Variants in RCSD1 observed in about 807,000 individuals in gnomAD.
The protein encoded by RCSD1 is RCSD domain containing 1, also known as capZ-interacting protein.
A neutral mutation model predicts 42.5 loss-of-function variants in RCSD1; 26 were observed. The observed-to-expected ratio is 0.61, with a 90% CI of 0.45 to 0.85. The LOEUF (loss-of-function observed/expected upper bound fraction) is 0.85. Ranked by LOEUF, RCSD1 falls within the 40% of genes least tolerant of loss-of-function variation. The pLI is 0.00. For missense variants in RCSD1, 571 were observed against 528.3 expected, an observed-to-expected ratio of 1.08 and a Z score of -0.79; for synonymous variants, 220 against 212.2, an observed-to-expected ratio of 1.04 and a Z score of -0.32.
At chr1:167,677,121 T>C (rs539357581) in intron 1 of RCSD1, among the ~76,000 whole-genome samples, 3 of 152,372 alleles carry the variant, frequency 2.0e-5, no homozygotes, top group East Asian at 3.9e-4. Flanking sequence ...TGTTAATATA[T>C]GCTTGTTTCA....
intron 1 of RCSD1, among the ~76,000 whole-genome samples, chr1:167,678,338 T>C (rs1658999336): frequency 6.6e-6 from 1 of 152,146 alleles, no homozygotes; most frequent in Admixed American, 6.5e-5. Context: ...AATAGACATG[T>C]CAGACTTTCA....
At position 167,653,818 on chromosome 1, in the gene RCSD1, T is replaced by C. The variant is rs76482130; in HGVS notation, c.6+23389T>C. Among the ~76,000 whole-genome samples the C allele has an allele frequency of 2.2e-3, 331 of 152,196 alleles. 8 individuals carry two copies. The East Asian group carries it at 0.048, about 22-fold the overall frequency. On this transcript the variant is annotated intron_variant, in intron 1 of 6. Coordinates refer to ENST00000367854, the MANE Select transcript of RCSD1 (RefSeq NM_052862.4). ...GATCTTGGATGATGAAGAAGAACTG[T>C]CCAGGTGAAGAGAATAAGGATCAAG...
chr1:167,630,480 G>A (rs770293071), intron 1 of RCSD1, 51 bp downstream of exon 1: 12 of 1,497,964 alleles, frequency 8.0e-6, no homozygotes, highest in Non-Finnish European at 1.1e-5. Flanking sequence ...CGGTGTATCG[G>A]GCGCCCCTTC....
intron 1 of RCSD1, among the ~76,000 whole-genome samples, chr1:167,639,410 A>G (rs753053056): frequency 3.9e-5 from 6 of 151,972 alleles, no homozygotes; most frequent in Non-Finnish European, 5.9e-5. Flanking sequence ...TCAGCTCTCT[A>G]GGTCTTCCCT....
At chr1:167,655,102 T>C (rs1251679178) in intron 1 of RCSD1, among the ~76,000 whole-genome samples, 1 of 152,152 alleles carries the variant, frequency 6.6e-6, no homozygotes, top group Non-Finnish European at 1.5e-5. Context: ...GGATGGAGGC[T>C]GCACCTCTCC....
At position 167,697,749 on chromosome 1, in the gene RCSD1, A is replaced by G; in HGVS notation, c.1125A>G (p.Ala375=). 1 of 1,550,640 alleles carries G rather than the reference A, an allele frequency of 6.4e-7. No individual in the cohort carries two copies. The highest frequency in any genetic ancestry group is 2.3e-5 in the East Asian group (1 of 43,512). ...EKGKEKQQEG[A]VLEPGCSPQT... ...GCAAGGAAAAACAACAGGAGGGGGC[A>G]GTGCTCGAGCCAGGCTGCAGCCCCC... Residue 375 remains alanine (A), a synonymous_variant, in exon 6 of 7, where the codon GCA becomes GCG. Transcript: ENST00000367854.
chr1:167,654,702 G>T (rs1185407263), intron 1 of RCSD1, among the ~76,000 whole-genome samples: 1 of 152,272 alleles, frequency 6.6e-6, no homozygotes, highest in East Asian at 1.9e-4. Context: ...ATGTGGGCAG[G>T]AGAGGGCAGA....
At position 167,708,109 on chromosome 1, in the gene RCSD1, C is replaced by G. The variant is rs1659800910; in HGVS notation, c.*3413C>G. Among the ~76,000 whole-genome samples, 1 of 152,168 alleles carries G rather than the reference C, an allele frequency of 6.6e-6. No individual in the cohort carries two copies. The highest frequency in any genetic ancestry group is 1.5e-5 in the Non-Finnish European group (1 of 68,034). The stretch of plus-strand genomic sequence containing the variant: ...GGCTTTCCATAGGCCCTGTGTGACT[C>G]ACGTGTCTATACCTGAATCAACTGT... On this transcript the variant is annotated 3_prime_UTR_variant, in exon 7 of 7. Transcript: ENST00000367854.
intron 4 of RCSD1, among the ~76,000 whole-genome samples, chr1:167,693,137 T>C (rs1274694657): frequency 2.0e-5 from 3 of 152,198 alleles, no homozygotes; most frequent in African/African-American, 7.2e-5. Context: ...TTGCACCGTC[T>C]GCCCCTCACA....
At chr1:167,688,057 C>G (rs550632927) in intron 3 of RCSD1, among the ~76,000 whole-genome samples, 1 of 152,232 alleles carries the variant, frequency 6.6e-6, no homozygotes, top group Non-Finnish European at 1.5e-5. Flanking sequence ...TTAGTCTCAG[C>G]CGCTTGCCTG....
At chr1:167,639,604 T>C (rs1364657218) in intron 1 of RCSD1, among the ~76,000 whole-genome samples, 1 of 152,206 alleles carries the variant, frequency 6.6e-6, no homozygotes, top group Non-Finnish European at 1.5e-5. Flanking sequence ...ACGATTCTCC[T>C]GCCTCAGCCT....
intron 4 of RCSD1, among the ~76,000 whole-genome samples, chr1:167,691,390 C>T (rs962743569): frequency 2.6e-5 from 4 of 152,194 alleles, no homozygotes; most frequent in South Asian, 2.1e-4. Flanking sequence ...TTAAGGAATG[C>T]GTGGCTGAAA....
intron 1 of RCSD1, among the ~76,000 whole-genome samples, chr1:167,675,994 T>C (rs1658943132): frequency 6.6e-6 from 1 of 152,174 alleles, no homozygotes; most frequent in Admixed American, 6.5e-5. Flanking sequence ...GCTAGCCCCA[T>C]AGCCAACATC....
At chr1:167,677,671 C>G (rs1164124869) in intron 1 of RCSD1, among the ~76,000 whole-genome samples, 4 of 152,198 alleles carry the variant, frequency 2.6e-5, no homozygotes, top group Non-Finnish European at 2.9e-5. Context: ...CCTATTGCCT[C>G]CATAGCTCAG....
At chr1:167,683,401 C>T (rs1379428633) in intron 1 of RCSD1, among the ~76,000 whole-genome samples, 2 of 152,248 alleles carry the variant, frequency 1.3e-5, no homozygotes, top group African/African-American at 2.4e-5. Flanking sequence ...ATCCACTGTG[C>T]TATCTGCTCT....
At position 167,692,529 on chromosome 1, in the gene RCSD1, A is replaced by T. The variant is rs544178469; in HGVS notation, c.271-1570A>T. ...ATATGCCGCTTTTTTTTTTATTTTT[A>T]TTTTTTTTAGACAAGGTCTTGCTTT... On this transcript the variant is annotated intron_variant, in intron 4 of 6. Transcript: ENST00000367854. Among the ~76,000 whole-genome samples the T allele has an allele frequency of 8.8e-4, 131 of 148,416 alleles. 1 individual carries two copies. The highest frequency in any genetic ancestry group is 2.8e-3 in the African/African-American group (111 of 40,028).
intron 1 of RCSD1, among the ~76,000 whole-genome samples, chr1:167,653,750 G>C (rs1205874281): frequency 6.6e-6 from 1 of 152,224 alleles, no homozygotes; most frequent in African/African-American, 2.4e-5. Context: ...TAACCCAGGG[G>C]AGAGGTCCAT....
chr1:167,639,019 C>G (rs57309012), intron 1 of RCSD1, among the ~76,000 whole-genome samples: 29,360 of 152,066 alleles, frequency 0.19, 3,033 homozygotes, highest in African/African-American at 0.27. Context: ...AGATTGAGAC[C>G]ATCCTGGCTA....
chr1:167,650,827 G>A (rs1658282895), intron 1 of RCSD1, among the ~76,000 whole-genome samples: 1 of 152,176 alleles, frequency 6.6e-6, no homozygotes, highest in South Asian at 2.1e-4. Context: ...TAAGGAGGGG[G>A]GCAGCCCCAG....
Sources: gnomAD v4.1 joint callset for allele counts (sites outside exome capture counted in the v4.1 genomes callset) on GRCh38, gnomAD v4.1.1 for gene constraint, MANE v1.5 for transcripts, NCBI Gene and HGNC (gene_info 2026-07-23, HGNC 2026-07-21) for gene names.